The following NIPBL variants were observed in gnomAD, a reference collection of about 807,000 sequenced individuals.
NIPBL encodes NIPBL cohesin loading factor, also known as nipped-B-like protein.
NIPBL carries 19 observed loss-of-function variants against 321.8 expected under a neutral mutation model. The ratio of observed to expected loss-of-function variants is 0.06; its 90% CI spans 0.04 to 0.09. The LOEUF (loss-of-function observed/expected upper bound fraction) is 0.09. Ranked by LOEUF, NIPBL falls within the 10% of genes least tolerant of loss-of-function variation. NIPBL has a pLI of 1.00. For synonymous variants in NIPBL, 1,106 were observed against 1,114.1 expected, an observed-to-expected ratio of 0.99 and a Z score of 0.14; for missense variants, 2,210 against 3,327.0, an observed-to-expected ratio of 0.66 and a Z score of 8.26.
chr5:36,972,615 A>C (rs763256650), intron 8 of NIPBL, among the ~76,000 whole-genome samples: 14 of 152,178 alleles, frequency 9.2e-5, no homozygotes, highest in Non-Finnish European at 2.9e-5. Flanking sequence ...CCCAAGTTCT[A>C]ATTCTTCATT....
At chr5:36,899,667 G>T (rs1380050083) in intron 1 of NIPBL, among the ~76,000 whole-genome samples, 2 of 152,142 alleles carry the variant, frequency 1.3e-5, no homozygotes, top group Non-Finnish European at 2.9e-5. Context: ...CTTGCCTCCT[G>T]ATTTTGTATT....
chr5:36,985,343 T>G lies in NIPBL; in HGVS notation c.2163T>G (p.His721Gln). The change falls in exon 10 of 47, where the codon CAT becomes CAG. Residue 721 changes from histidine (H) to glutamine (Q), a missense_variant. By Grantham distance (24) the His-to-Gln change is conservative. Coordinates refer to ENST00000282516, the MANE Select transcript of NIPBL (RefSeq NM_133433.4). ...PETPKQKSDG[H>Q]PETPKQKGDG... ...CTCCAAAACAAAAGAGTGATGGGCA[T>G]CCTGAAACCCCAAAACAGAAGGGTG... The G allele has an allele frequency of 5.6e-6, 9 of 1,613,458 alleles. No homozygotes were observed. The highest frequency in any genetic ancestry group is 7.6e-6 in the Non-Finnish European group (9 of 1,179,886).
intron 32 of NIPBL, among the ~76,000 whole-genome samples, chr5:37,029,123 AGTT>A (rs1488744121): frequency 6.6e-6 from 1 of 152,144 alleles, no homozygotes; most frequent in Non-Finnish European, 1.5e-5. Context: ...GCACATATCT[AGTT>A]GTCTCATTTT....
chr5:36,877,453 G>C (rs1745175127), intron 1 of NIPBL, among the ~76,000 whole-genome samples: 1 of 152,222 alleles, frequency 6.6e-6, no homozygotes, highest in Admixed American at 6.5e-5. Context: ...CGGGCCAGCG[G>C]AATCTACTTG....
intron 1 of NIPBL, among the ~76,000 whole-genome samples, chr5:36,894,415 G>T (rs763346468): frequency 4.6e-5 from 7 of 152,124 alleles, no homozygotes; most frequent in African/African-American, 1.7e-4. Flanking sequence ...CAAAGGTATT[G>T]TACTATACTA....
chr5:36,969,228 C>T (rs1469753115), intron 6 of NIPBL, among the ~76,000 whole-genome samples: 1 of 152,060 alleles, frequency 6.6e-6, no homozygotes, highest in Non-Finnish European at 1.5e-5. Flanking sequence ...TATTATTACA[C>T]CCGTATCTAT....
chr5:36,905,423 A>G (rs1216124029), intron 1 of NIPBL, among the ~76,000 whole-genome samples: 1 of 152,180 alleles, frequency 6.6e-6, no homozygotes, highest in East Asian at 1.9e-4. Context: ...TTGTAAGATC[A>G]TAATCGGTGT....
chr5:36,911,306 C>G (rs945037681), intron 1 of NIPBL, among the ~76,000 whole-genome samples: 1 of 152,166 alleles, frequency 6.6e-6, no homozygotes, highest in African/African-American at 2.4e-5. Context: ...TGTTTTATTT[C>G]TCATGTGCAG....
At chr5:37,037,629 CTT>C (rs74479675) in intron 33 of NIPBL, among the ~76,000 whole-genome samples, 4 of 135,184 alleles carry the variant, frequency 3.0e-5, no homozygotes, top group Admixed American at 7.5e-5. Flanking sequence ...TTTATGCAGT[CTT>C]TTTTTTTTTT....
chr5:36,989,247 TTATAGTAA>T (rs1201823859), intron 10 of NIPBL, among the ~76,000 whole-genome samples: 2 of 152,190 alleles, frequency 1.3e-5, no homozygotes, highest in African/African-American at 4.8e-5. Context: ...GAAAACCTGC[TTATAGTAA>T]TATGTGTTTA....
chr5:37,032,386 C>CGTGTGTGTGTGTGTGTGT (rs58831894), intron 32 of NIPBL, among the ~76,000 whole-genome samples: 34 of 123,598 alleles, frequency 2.8e-4, no homozygotes, highest in Non-Finnish European at 4.3e-4. Flanking sequence ...TACATGTATA[C>CGTGTGTGTGTGTGTGTGT]GTGTGTGTGT....
chr5:36,899,051 C>G (rs1286195070), intron 1 of NIPBL, among the ~76,000 whole-genome samples: 1 of 152,116 alleles, frequency 6.6e-6, no homozygotes, highest in Non-Finnish European at 1.5e-5. Context: ...TCGAAGAAAA[C>G]ATTTGCCCAT....
At chr5:36,957,304 A>G (rs1317571655) in intron 3 of NIPBL, among the ~76,000 whole-genome samples, 1 of 152,220 alleles carries the variant, frequency 6.6e-6, no homozygotes, top group Non-Finnish European at 1.5e-5. Context: ...TGAGAAAGCA[A>G]TGTAAGATGG....
Position 37,014,782 on chromosome 5 carries a change from TA to T in NIPBL, c.4643+20del. 1 of 1,462,314 alleles carries T rather than the reference TA, an allele frequency of 6.8e-7. No individual in the cohort carries two copies. The highest frequency in any genetic ancestry group is 9.6e-7 in the Non-Finnish European group (1 of 1,041,522). The allele number at this position is 1,462,314 out of a possible 1,614,324, so 90.6% of individuals were successfully genotyped here. On this transcript the variant is annotated intron_variant, in intron 22 of 46. Coordinates refer to ENST00000282516, the MANE Select transcript of NIPBL (RefSeq NM_133433.4). ...CCTTAAAAAGTGAGTAAAATTAATA[TA>T]AATCTGGTTTTTCTTTTCCACAGTA...
At chr5:36,969,107 A>T (rs958825233) in intron 6 of NIPBL, among the ~76,000 whole-genome samples, 11 of 152,240 alleles carry the variant, frequency 7.2e-5, no homozygotes, top group Non-Finnish European at 1.3e-4. Flanking sequence ...TTAATGAAAG[A>T]TGTAAAAGAC....
chr5:36,967,064 A>G (rs934975212), intron 6 of NIPBL, among the ~76,000 whole-genome samples: 3 of 152,086 alleles, frequency 2.0e-5, no homozygotes, highest in South Asian at 2.1e-4. Flanking sequence ...TATAAACACA[A>G]AGTATTGATT....
Position 37,048,614 on chromosome 5 carries a change from A to G in NIPBL, c.6702A>G (p.Leu2234=). Residue 2234 remains leucine (L), a synonymous_variant, in exon 39 of 47, where the codon TTA becomes TTG. Transcript: ENST00000282516. The stretch of plus-strand genomic sequence containing the variant: ...CAGTCAATTTAAAAATACAAGTGTT[A>G]AAAAACCTCCAGACCTACCTACAAG... ...NSSVNLKIQV[L]KNLQTYLQEE... is the part of the protein sequence containing the mutation. 1 of 1,608,320 alleles carries G rather than the reference A, an allele frequency of 6.2e-7. No individual in the cohort carries two copies. Among genetic ancestry groups the G allele is most frequent in the Non-Finnish European group, 8.5e-7 (1 of 1,176,206 alleles).
intron 1 of NIPBL, among the ~76,000 whole-genome samples, chr5:36,951,749 G>A (rs2149594352): frequency 6.6e-6 from 1 of 152,192 alleles, no homozygotes; most frequent in Middle Eastern, 3.4e-3. Context: ...AGCTAGTAGT[G>A]ATTATAGCTT....
chr5:37,038,539 T>C, intron 33 of NIPBL, 63 bp from the exon 34 acceptor site: 1 of 1,456,872 alleles, frequency 6.9e-7, no homozygotes, highest in Non-Finnish European at 9.6e-7. Context: ...TTAAATAATA[T>C]TCTGTATAGT....
Sources: gnomAD v4.1 joint callset for allele counts (sites outside exome capture counted in the v4.1 genomes callset) on GRCh38, gnomAD v4.1.1 for gene constraint, MANE v1.5 for transcripts, NCBI Gene and HGNC (gene_info 2026-07-23, HGNC 2026-07-21) for gene names.